The following DNAH11 variants were observed in gnomAD, a reference collection of about 807,000 sequenced individuals.
DNAH11 encodes the protein axonemal beta dynein heavy chain 11.
In DNAH11, 442 loss-of-function variants were observed where a neutral mutation model predicts 526.0. The ratio of observed to expected loss-of-function variants is 0.84; its 90% confidence interval spans 0.78 to 0.91. The LOEUF (loss-of-function observed/expected upper bound fraction) is 0.91. Ranked by LOEUF, DNAH11 falls within the 40% of genes least tolerant of loss-of-function variation. The probability of loss-of-function intolerance (pLI) is 0.00; values close to 1 mark genes in which losing one functional copy is unlikely to be tolerated. For synonymous variants in DNAH11, 2,461 were observed against 1,935.9 expected (o/e 1.27, Z -7.12); for missense variants, 6,989 against 5,448.7 (o/e 1.28, Z -8.90).
intron 5 of DNAH11, 142 bp downstream of exon 5, chr7:21,561,312 A>C: frequency 1.6e-6 from 1 of 643,286 alleles, no homozygotes; most frequent in East Asian, 2.8e-5. Context: ...AATTCATCTC[A>C]CCCTTTGTAC....
At chr7:21,605,750 C>T (rs988874414) in intron 18 of DNAH11, among the ~76,000 whole-genome samples, 1 of 152,162 alleles carries the variant, frequency 6.6e-6, no homozygotes. Flanking sequence ...GGCTGGCTTC[C>T]ATTTCTAGTT....
chr7:21,715,331 G>A (rs1784612585), intron 42 of DNAH11, among the ~76,000 whole-genome samples: 4 of 152,190 alleles, frequency 2.6e-5, no homozygotes, highest in Admixed American at 1.3e-4. Context: ...GATAAACCTG[G>A]AACAGTTCTG....
chr7:21,619,422 TTGA>T lies in DNAH11; in HGVS notation c.4377+211_4377+213del, dbSNP rs72657318. Among the ~76,000 whole-genome samples the T allele has an allele frequency of 1.8e-3, 268 of 152,300 alleles. 1 individual carries two copies. The Middle Eastern group carries it at 0.02, about 12-fold the overall frequency. On this transcript the variant is annotated intron_variant, in intron 24 of 81. Transcript: ENST00000409508. Reference sequence around the variant, plus strand: ...CAGTAAAACAGGAGGATTGGTCTTGTTGATGATGATGATTATAGCAGAAAATAC... The same window carrying T: ...CAGTAAAACAGGAGGATTGGTCTTGTTGATGATGATTATAGCAGAAAATAC...
chr7:21,645,071 A>G (rs762704978), intron 28 of DNAH11, among the ~76,000 whole-genome samples: 7 of 152,238 alleles, frequency 4.6e-5, no homozygotes, highest in Admixed American at 1.3e-4. Context: ...TAAGTTGTAC[A>G]ACAACATTAA....
intron 76 of DNAH11, among the ~76,000 whole-genome samples, chr7:21,888,579 T>C (rs1170230998): frequency 6.6e-6 from 1 of 150,700 alleles, no homozygotes; most frequent in African/African-American, 2.4e-5. Context: ...AACCTCCACC[T>C]TCCAGATTCA....
intron 6 of DNAH11, among the ~76,000 whole-genome samples, chr7:21,565,346 T>A (rs553329285): frequency 1.4e-4 from 22 of 152,282 alleles, no homozygotes; most frequent in African/African-American, 5.1e-4. Flanking sequence ...AAAGACCCTA[T>A]ATCCAGATAC....
Position 21,742,248 on chromosome 7 carries a change from A to T in DNAH11, c.8154+82A>T, listed in dbSNP as rs78724239. On this transcript the variant is annotated intron_variant, in intron 49 of 81. Coordinates refer to ENST00000409508, the MANE Select transcript of DNAH11 (RefSeq NM_001277115.2). The stretch of plus-strand genomic sequence containing the variant: ...GTATTAGCCCATTTTTTATGTCACT[A>T]TAGAGAAACACCTGAGGCTAGGTAA... 2.0e-3 allele frequency: 2,882 copies of T among 1,441,598 alleles called. 34 individuals carry two copies. In the East Asian group the frequency reaches 0.023, roughly 11 times the overall value. The allele number at this position is 1,441,598 out of a possible 1,614,324, so 89.3% of individuals were successfully genotyped here.
At chr7:21,882,377 C>T (rs1365745418) in intron 75 of DNAH11, among the ~76,000 whole-genome samples, 1 of 152,066 alleles carries the variant, frequency 6.6e-6, no homozygotes, top group Non-Finnish European at 1.5e-5. Flanking sequence ...CACAAGGCGA[C>T]TTATCAGGAT....
chr7:21,838,527 C>G (rs915710477), intron 65 of DNAH11, among the ~76,000 whole-genome samples: 1 of 152,092 alleles, frequency 6.6e-6, no homozygotes, highest in East Asian at 1.9e-4. Flanking sequence ...TTTGCCTGTT[C>G]TGGACATTTC....
intron 45 of DNAH11, among the ~76,000 whole-genome samples, chr7:21,726,738 G>A (rs1322917182): frequency 1.2e-4 from 18 of 149,448 alleles, no homozygotes; most frequent in Admixed American, 9.3e-4. Context: ...GCGGGCGCCT[G>A]TAGTCCCAGC....
At chr7:21,621,826 A>G (rs1358783253) in intron 25 of DNAH11, among the ~76,000 whole-genome samples, 6 of 152,324 alleles carry the variant, frequency 3.9e-5, no homozygotes, top group African/African-American at 1.4e-4. Context: ...TCTCAAAATA[A>G]TAAGAGCTAT....
chr7:21,835,715 C>A lies in DNAH11; in HGVS notation c.10692-6829C>A, dbSNP rs375979184. Among the ~76,000 whole-genome samples, 3 of 152,194 alleles carry A rather than the reference C, an allele frequency of 2.0e-5. No individual in the cohort carries two copies. The South Asian group carries it at 6.2e-4, about 32-fold the overall frequency. The stretch of plus-strand genomic sequence containing the variant: ...AAATCTGAAACAAGACAAGGATTCT[C>A]ACTTCCACCACTTCTATTCAGCACA... On this transcript the variant is annotated intron_variant, in intron 65 of 81. Coordinates refer to ENST00000409508, the MANE Select transcript of DNAH11 (RefSeq NM_001277115.2).
chr7:21,560,937 C>G, intron 4 of DNAH11, 134 bp from the exon 5 acceptor site: 1 of 607,794 alleles, frequency 1.6e-6, no homozygotes. Flanking sequence ...AACTGGAAAC[C>G]AGATATAACT....
At chr7:21,847,116 G>A (rs999689379) in intron 66 of DNAH11, among the ~76,000 whole-genome samples, 1 of 152,064 alleles carries the variant, frequency 6.6e-6, no homozygotes, top group African/African-American at 2.4e-5. Flanking sequence ...TATAAATTCT[G>A]TTGATCCTTT....
intron 22 of DNAH11, 55 bp from the exon 23 acceptor site, chr7:21,617,564 A>G (rs1785834616): frequency 2.5e-6 from 4 of 1,583,574 alleles, no homozygotes; most frequent in Non-Finnish European, 3.4e-6. Context: ...GCAAATTATT[A>G]ATATATACTG....
intron 8 of DNAH11, among the ~76,000 whole-genome samples, 164 bp from the exon 9 acceptor site, chr7:21,581,741 A>G (rs1298176777): frequency 6.6e-6 from 1 of 152,218 alleles, no homozygotes; most frequent in East Asian, 1.9e-4. Flanking sequence ...TCAGTCAGAT[A>G]TAGCTCTTTC....
intron 25 of DNAH11, among the ~76,000 whole-genome samples, chr7:21,630,015 T>C (rs957287486): frequency 6.6e-6 from 1 of 152,176 alleles, no homozygotes; most frequent in Non-Finnish European, 1.5e-5. Flanking sequence ...CTTCCTTTAT[T>C]GTTAAGTGAT....
At chr7:21,895,966 T>C (rs1433897138) in intron 79 of DNAH11, among the ~76,000 whole-genome samples, 1 of 152,104 alleles carries the variant, frequency 6.6e-6, no homozygotes, top group Non-Finnish European at 1.5e-5. Context: ...CCTGACCTCA[T>C]GATCTGCCCG....
intron 7 of DNAH11, among the ~76,000 whole-genome samples, chr7:21,570,888 A>T (rs1251417313): frequency 1.3e-5 from 1 of 79,102 alleles, no homozygotes; most frequent in Admixed American, 1.1e-4. Flanking sequence ...TAGTTTAAAA[A>T]AAAAAAAAAA....
Sources: gnomAD v4.1 joint callset for allele counts (sites outside exome capture counted in the v4.1 genomes callset) on GRCh38, gnomAD v4.1.1 for gene constraint, MANE v1.5 for transcripts, NCBI Gene and HGNC (gene_info 2026-07-23, HGNC 2026-07-21) for gene names.